Variants in PTPRR observed in about 807,000 individuals in gnomAD.
PTPRR encodes the protein protein tyrosine phosphatase receptor type R.
A neutral mutation model predicts 77.2 loss-of-function variants in PTPRR; 38 were observed. That is an observed-to-expected ratio of 0.49 (90% CI 0.38 to 0.65). The LOEUF (loss-of-function observed/expected upper bound fraction) is 0.65, where lower values mean the gene tolerates loss of function less well. Among genes scored for constraint, PTPRR ranks in the 30% least tolerant of loss-of-function variants. The pLI is 0.00. For synonymous variants in PTPRR, 299 were observed against 283.1 expected (o/e 1.06, Z -0.57); for missense variants, 744 against 799.2 (o/e 0.93, Z 0.83).
chr12:70,730,071 C>A lies in PTPRR; in HGVS notation c.1007+15747G>T, dbSNP rs76856419. Among the ~76,000 whole-genome samples the A allele has an allele frequency of 2.0e-3, 305 of 152,186 alleles. 1 individual carries two copies. Among genetic ancestry groups the A allele is most frequent in the African/African-American group, 7.0e-3 (291 of 41,502 alleles). ...ATTGTGTTAAAGATTTTGTGAGACA[C>A]CCTGCCCACACTAGATTTCACTAGT... is the stretch of plus-strand genomic sequence containing the variant. On this transcript the variant is annotated intron_variant, in intron 6 of 13. Coordinates refer to ENST00000283228, the MANE Select transcript of PTPRR (RefSeq NM_002849.4).
At chr12:70,766,560 G>A (rs1890828897) in intron 2 of PTPRR, among the ~76,000 whole-genome samples, 1 of 151,938 alleles carries the variant, frequency 6.6e-6, no homozygotes, top group East Asian at 1.9e-4. Flanking sequence ...AACGTGACGG[G>A]GAGAATGGAA....
chr12:70,917,865 G>A (rs748977758), intron 1 of PTPRR, among the ~76,000 whole-genome samples: 3 of 152,104 alleles, frequency 2.0e-5, no homozygotes, highest in Non-Finnish European at 2.9e-5. Flanking sequence ...AGCATTATAA[G>A]GTGTCATCAG....
At chr12:70,671,844 C>T (rs755225308) in intron 10 of PTPRR, 19 of 585,786 alleles carry the variant, frequency 3.2e-5, no homozygotes, top group Non-Finnish European at 5.0e-5. Context: ...TGCTCAGGCA[C>T]CTGCTGTCCT....
At position 70,705,404 on chromosome 12, in the gene PTPRR, G is replaced by T. The variant is rs115986099; in HGVS notation, c.1008-4081C>A. Among the ~76,000 whole-genome samples, 285 of 152,140 alleles carry T rather than the reference G, an allele frequency of 1.9e-3. 1 individual carries two copies. Among genetic ancestry groups the T allele is most frequent in the African/African-American group, 6.6e-3 (272 of 41,518 alleles). Reference sequence around the variant, plus strand: ...TAAAATTTCTAGTATCATGTCTACGGGCTCTAATTCTCAGACATGCTACTT... The same window carrying T: ...TAAAATTTCTAGTATCATGTCTACGTGCTCTAATTCTCAGACATGCTACTT... On this transcript the variant is annotated intron_variant, in intron 6 of 13. Transcript: ENST00000283228.
intron 2 of PTPRR, among the ~76,000 whole-genome samples, chr12:70,783,867 G>A (rs58767202): frequency 8.8e-5 from 11 of 125,360 alleles, no homozygotes; most frequent in African/African-American, 4.1e-4. Context: ...GGGGGACGGG[G>A]GGGGGGGGCG....
intron 6 of PTPRR, among the ~76,000 whole-genome samples, chr12:70,729,104 C>T (rs940463890): frequency 6.6e-6 from 1 of 151,674 alleles, no homozygotes; most frequent in Non-Finnish European, 1.5e-5. Context: ...GATTACAGTT[C>T]CCAAATAGGA....
chr12:70,872,832 G>A (rs935177877), intron 2 of PTPRR, among the ~76,000 whole-genome samples: 5 of 151,628 alleles, frequency 3.3e-5, no homozygotes, highest in Admixed American at 2.6e-4. Flanking sequence ...CAGTAACTCA[G>A]TAAATGATGG....
chr12:70,767,827 G>A (rs577061829), intron 2 of PTPRR, among the ~76,000 whole-genome samples: 11 of 152,202 alleles, frequency 7.2e-5, no homozygotes, highest in Non-Finnish European at 1.5e-4. Flanking sequence ...TCAGACCACA[G>A]TGCAATCAAA....
At chr12:70,805,339 A>G (rs1891690745) in intron 2 of PTPRR, among the ~76,000 whole-genome samples, 1 of 151,484 alleles carries the variant, frequency 6.6e-6, no homozygotes, top group Non-Finnish European at 1.5e-5. Context: ...TAATTTTATT[A>G]TTTATTATTA....
intron 5 of PTPRR, among the ~76,000 whole-genome samples, chr12:70,748,581 T>G (rs772910490): frequency 2.0e-5 from 3 of 152,080 alleles, no homozygotes; most frequent in Non-Finnish European, 4.4e-5. Context: ...AGAGGAGCTG[T>G]AAAACTCAAA....
In PTPRR at chr12:70,903,020, A is replaced by C. The variant is rs1182700720; in HGVS notation, c.59-10043T>G. ...CTGAGTGAAATAAGGTGGGCACAGA[A>C]AGACAAATATCATATGATCTCACTT... On this transcript the variant is annotated intron_variant, in intron 1 of 13. Transcript: ENST00000283228. 2.0e-5 allele frequency among the ~76,000 whole-genome samples: 3 copies of C among 151,880 alleles called. No individual in the cohort carries two copies. In the East Asian group the frequency reaches 5.8e-4, roughly 29 times the overall value.
At chr12:70,858,349 C>T (rs1355487932) in intron 2 of PTPRR, among the ~76,000 whole-genome samples, 3 of 152,064 alleles carry the variant, frequency 2.0e-5, no homozygotes, top group Non-Finnish European at 2.9e-5. Context: ...GTAGGATGGA[C>T]ACTGACACAG....
chr12:70,694,834 T>C (rs886511890), intron 8 of PTPRR, among the ~76,000 whole-genome samples: 2 of 152,136 alleles, frequency 1.3e-5, no homozygotes, highest in Non-Finnish European at 2.9e-5. Context: ...AACTTATTAT[T>C]ACAGTATTTT....
intron 2 of PTPRR, among the ~76,000 whole-genome samples, chr12:70,848,277 C>T (rs879860368): frequency 1.3e-5 from 2 of 152,188 alleles, no homozygotes; most frequent in Non-Finnish European, 2.9e-5. Flanking sequence ...AATTTTTATT[C>T]TCATAGTATT....
intron 2 of PTPRR, among the ~76,000 whole-genome samples, chr12:70,802,522 C>T (rs7980133): frequency 0.7 from 106,615 of 152,154 alleles, 39,414 homozygotes; most frequent in South Asian, 0.84. Flanking sequence ...TGTACTGTTA[C>T]ACTTTTTGCA....
chr12:70,742,071 G>A (rs1890066059), intron 6 of PTPRR, among the ~76,000 whole-genome samples: 1 of 152,172 alleles, frequency 6.6e-6, no homozygotes, highest in African/African-American at 2.4e-5. Flanking sequence ...CAACATGGTG[G>A]TAACTGTCCT....
chr12:70,689,687 C>T (rs1887990465), intron 8 of PTPRR, among the ~76,000 whole-genome samples: 1 of 152,180 alleles, frequency 6.6e-6, no homozygotes, highest in South Asian at 2.1e-4. Context: ...CCAAGAATCT[C>T]ATGGAGGAGG....
intron 3 of PTPRR, among the ~76,000 whole-genome samples, chr12:70,763,421 C>T (rs573987354): frequency 2.6e-4 from 39 of 152,170 alleles, no homozygotes; most frequent in Non-Finnish European, 5.1e-4. Context: ...CGTGAGCCAC[C>T]GGGTAACCTT....
chr12:70,747,512 G>A (rs145580102), intron 5 of PTPRR, among the ~76,000 whole-genome samples: 2 of 152,212 alleles, frequency 1.3e-5, no homozygotes, highest in East Asian at 1.9e-4. Context: ...AATCAACAAC[G>A]AAAATGGGAA....
Sources: allele counts gnomAD v4.1 joint callset (sites outside exome capture counted in the v4.1 genomes callset), GRCh38; gene constraint gnomAD v4.1.1; transcripts MANE v1.5; gene names NCBI Gene and HGNC (gene_info 2026-07-23, HGNC 2026-07-21).